Variants in CHST9 observed in about 807,000 individuals in gnomAD.
CHST9 encodes the protein GalNAc-4-sulfotransferase 2.
Under a neutral mutation model 44.4 loss-of-function variants are expected in CHST9, and 41 were observed. The ratio of observed to expected loss-of-function variants is 0.92; its 90% CI spans 0.72 to 1.20. The LOEUF is 1.20. CHST9 is among the 50% of genes most tolerant of loss of function. The pLI is 0.00. For missense variants in CHST9, 504 were observed against 516.5 expected, an observed-to-expected ratio of 0.98 and a Z score of 0.23; for synonymous variants, 171 against 178.4, an observed-to-expected ratio of 0.96 and a Z score of 0.33.
At chr18:26,920,046 C>G (rs2055619390) in intron 5 of CHST9, among the ~76,000 whole-genome samples, 1 of 152,172 alleles carries the variant, frequency 6.6e-6, no homozygotes, top group Non-Finnish European at 1.5e-5. Context: ...ACCTTTATCA[C>G]TGATCTGTCC....
intron 2 of CHST9, among the ~76,000 whole-genome samples, chr18:27,101,580 G>C (rs886335127): frequency 1.3e-5 from 2 of 151,674 alleles, no homozygotes; most frequent in East Asian, 3.9e-4. Context: ...ACTGCAGTCC[G>C]GCCTGGGTGA....
chr18:27,155,419 C>G (rs1264675839), intron 1 of CHST9, among the ~76,000 whole-genome samples: 2 of 152,118 alleles, frequency 1.3e-5, no homozygotes, highest in African/African-American at 4.8e-5. Context: ...TCAATAAACA[C>G]CTATTAGGCC....
At chr18:27,040,734 A>C (rs1466438472) in intron 3 of CHST9, among the ~76,000 whole-genome samples, 1 of 152,162 alleles carries the variant, frequency 6.6e-6, no homozygotes, top group Non-Finnish European at 1.5e-5. Context: ...AGAAGGTTTT[A>C]AGTTGCACAG....
At chr18:27,050,200 G>A (rs2057549283) in intron 2 of CHST9, among the ~76,000 whole-genome samples, 1 of 152,164 alleles carries the variant, frequency 6.6e-6, no homozygotes, top group Non-Finnish European at 1.5e-5. Flanking sequence ...AACTTTGGCA[G>A]CCTCCAAATG....
intron 1 of CHST9, among the ~76,000 whole-genome samples, chr18:27,164,483 T>C (rs1324459195): frequency 6.6e-6 from 1 of 151,908 alleles, no homozygotes; most frequent in Non-Finnish European, 1.5e-5. Flanking sequence ...ATTTAAGAGA[T>C]TCAACATCTA....
At chr18:26,989,796 A>C (rs958001725) in intron 4 of CHST9, among the ~76,000 whole-genome samples, 1 of 152,008 alleles carries the variant, frequency 6.6e-6, no homozygotes, top group Admixed American at 6.6e-5. Flanking sequence ...CTAACAATAC[A>C]ATAATTATTT....
intron 2 of CHST9, among the ~76,000 whole-genome samples, chr18:27,105,860 G>T (rs1219802379): frequency 1.3e-5 from 2 of 152,108 alleles, no homozygotes; most frequent in Admixed American, 6.5e-5. Flanking sequence ...GGACGATAAA[G>T]TTAGAATGAG....
At chr18:27,176,013 G>C (rs985979592) in intron 1 of CHST9, among the ~76,000 whole-genome samples, 7 of 152,006 alleles carry the variant, frequency 4.6e-5, no homozygotes, top group African/African-American at 1.7e-4. Context: ...TGTTAACTAA[G>C]AGTTAACTAG....
At chr18:27,000,802 C>T (rs2056943515) in intron 4 of CHST9, among the ~76,000 whole-genome samples, 1 of 152,138 alleles carries the variant, frequency 6.6e-6, no homozygotes, top group Admixed American at 6.6e-5. Context: ...ATCTCCAACT[C>T]CCTCCTACCA....
rs1252635253 is a variant in CHST9, at chr18:26,906,872, A to C, written c.*9387T>G. The C allele has an allele frequency of 1.3e-5, 2 of 152,276 alleles. No homozygotes were observed. The highest frequency in any genetic ancestry group is 4.8e-5 in the African/African-American group (2 of 41,508). The allele number at this position is 152,276 out of a possible 1,614,324, so 9.4% of individuals were successfully genotyped here. Reference sequence around the variant, plus strand: ...CCTAATAGAGGGACAAGCTGAGTAGACCCAGGAGGAAGAAAACTATCCAAT... The same window carrying C: ...CCTAATAGAGGGACAAGCTGAGTAGCCCCAGGAGGAAGAAAACTATCCAAT... On this transcript the variant is annotated 3_prime_UTR_variant, in exon 6 of 6. Transcript: ENST00000618847.
chr18:26,989,226 AC>A (rs1338578999), intron 4 of CHST9, among the ~76,000 whole-genome samples: 10 of 152,180 alleles, frequency 6.6e-5, no homozygotes, highest in African/African-American at 2.4e-4. Context: ...CATAAAGAAA[AC>A]TTAATTTAAA....
intron 2 of CHST9, among the ~76,000 whole-genome samples, chr18:27,049,848 G>C (rs939328643): frequency 6.6e-6 from 1 of 152,138 alleles, no homozygotes; most frequent in African/African-American, 2.4e-5. Flanking sequence ...GGAGTGAATG[G>C]GGCATAAAGG....
At position 26,911,415 on chromosome 18, in the gene CHST9, G is replaced by T. The variant is rs914487096; in HGVS notation, c.*4844C>A. ...CCCTGACAAAAAAAATCGAGGAAAG[G>T]AATGCCTGCATTTATTGGTAAGAGA... On this transcript the variant is annotated 3_prime_UTR_variant, in exon 6 of 6. Transcript: ENST00000618847. 3 of 152,176 alleles carry T rather than the reference G, an allele frequency of 2.0e-5. No homozygotes were observed. Among genetic ancestry groups the T allele is most frequent in the African/African-American group, 4.8e-5 (2 of 41,438 alleles). The allele number at this position is 152,176 out of a possible 1,614,324, so 9.4% of individuals were successfully genotyped here.
intron 3 of CHST9, among the ~76,000 whole-genome samples, chr18:27,042,318 C>T: frequency 6.6e-6 from 1 of 152,084 alleles, no homozygotes. Context: ...AATGACCAGG[C>T]TTTGCTATCA....
intron 2 of CHST9, among the ~76,000 whole-genome samples, chr18:27,059,774 T>C (rs762463315): frequency 6.6e-6 from 1 of 152,234 alleles, no homozygotes; most frequent in Non-Finnish European, 1.5e-5. Flanking sequence ...TTAATCCCGC[T>C]AGCCCCAAGT....
intron 1 of CHST9, among the ~76,000 whole-genome samples, chr18:27,145,013 C>T (rs763469935): frequency 2.2e-4 from 33 of 151,826 alleles, no homozygotes; most frequent in Non-Finnish European, 4.3e-4. Flanking sequence ...AAAACCAGTT[C>T]TCAAACAAAT....
At chr18:27,011,437 C>T (rs950984043) in intron 4 of CHST9, among the ~76,000 whole-genome samples, 1 of 151,874 alleles carries the variant, frequency 6.6e-6, no homozygotes, top group African/African-American at 2.4e-5. Context: ...AGCCAGGGCC[C>T]CATGAAGAAA....
chr18:26,973,882 C>T (rs1374489203), intron 4 of CHST9, among the ~76,000 whole-genome samples: 1 of 152,178 alleles, frequency 6.6e-6, no homozygotes, highest in Non-Finnish European at 1.5e-5. Flanking sequence ...ACTATACTGA[C>T]TGCTCTTGTG....
chr18:26,951,453 A>C (rs1640853707), intron 4 of CHST9, among the ~76,000 whole-genome samples: 2 of 152,204 alleles, frequency 1.3e-5, no homozygotes, highest in African/African-American at 4.8e-5. Context: ...TCTGCATTTC[A>C]GAAAAATGCC....
Sources: allele counts gnomAD v4.1 joint callset (sites outside exome capture counted in the v4.1 genomes callset), GRCh38; gene constraint gnomAD v4.1.1; transcripts MANE v1.5; gene names NCBI Gene and HGNC (gene_info 2026-07-23, HGNC 2026-07-21).